Variants in CRIM1 observed in about 807,000 individuals in gnomAD.
The protein encoded by CRIM1 is cysteine-rich motor neuron 1 protein.
Under a neutral mutation model 116.4 loss-of-function variants are expected in CRIM1, and 32 were observed. The observed-to-expected ratio is 0.27, with a 90% confidence interval of 0.21 to 0.37. The LOEUF is 0.37. CRIM1 is among the 10% of genes least tolerant of loss of function. The pLI is 1.00. For missense variants in CRIM1, 1,331 were observed against 1,354.8 expected, an observed-to-expected ratio of 0.98 and a Z score of 0.28; for synonymous variants, 590 against 509.2, an observed-to-expected ratio of 1.16 and a Z score of -2.13.
At chr2:36,444,644 C>T (rs1319297474) in intron 4 of CRIM1, among the ~76,000 whole-genome samples, 1 of 152,136 alleles carries the variant, frequency 6.6e-6, no homozygotes, top group African/African-American at 2.4e-5. Context: ...TTCAACATCC[C>T]ACTGTAAATT....
At chr2:36,479,799 C>G in intron 7 of CRIM1, 105 bp downstream of exon 7, 1 of 1,134,356 alleles carries the variant, frequency 8.8e-7, no homozygotes. Context: ...ATAATGTCTG[C>G]TTCACGCTGT....
At chr2:36,388,645 A>G (rs1671348584) in intron 1 of CRIM1, among the ~76,000 whole-genome samples, 1 of 152,128 alleles carries the variant, frequency 6.6e-6, no homozygotes, top group African/African-American at 2.4e-5. Context: ...TCTCCATTAC[A>G]CCATCCCCCT....
intron 2 of CRIM1, among the ~76,000 whole-genome samples, chr2:36,413,229 C>T (rs1016693985): frequency 2.0e-5 from 3 of 152,106 alleles, no homozygotes; most frequent in South Asian, 2.1e-4. Flanking sequence ...ATGTATGTCA[C>T]CTGCATGCAT....
At position 36,526,653 on chromosome 2, in the gene CRIM1, G is replaced by A. The variant is rs555994692; in HGVS notation, c.2428+4340G>A. ...CCACATCAACCTTGCTCTAATGTTC[G>A]TGTTGGTGATGCTTCTGCCCATACT... On this transcript the variant is annotated intron_variant, in intron 13 of 16. Transcript: ENST00000280527. Among the ~76,000 whole-genome samples the A allele has an allele frequency of 2.1e-4, 32 of 152,258 alleles. 1 individual carries two copies. Among genetic ancestry groups the A allele is most frequent in the South Asian group, 1.7e-3 (8 of 4,814 alleles).
At position 36,546,988 on chromosome 2, in the gene CRIM1, G is replaced by A. The variant is rs776273255; in HGVS notation, c.2751G>A (p.Met917Ile). ...TTATAATTTTTTTTCTCCTAGATAT[G>A]GGTCACCTCCAGGTAGATTACAGAG... ...ENDIVHLPRDMGHLQVDYRDN... is the reference protein window; with the variant it reads ...ENDIVHLPRDIGHLQVDYRDN... Residue 917 changes from methionine (M) to isoleucine (I), a missense_variant, in exon 16 of 17, where the codon ATG (methionine) becomes ATA (isoleucine). Coordinates refer to ENST00000280527, the MANE Select transcript of CRIM1 (RefSeq NM_016441.3). The A allele has an allele frequency of 1.3e-6, 2 of 1,575,638 alleles. No homozygotes were observed. Among genetic ancestry groups the A allele is most frequent in the Non-Finnish European group, 1.7e-6 (2 of 1,160,566 alleles).
Position 36,436,513 on chromosome 2 carries a change from A to T in CRIM1, c.506-4745A>T, listed in dbSNP as rs114404775. On this transcript the variant is annotated intron_variant, in intron 2 of 16. Coordinates refer to ENST00000280527, the MANE Select transcript of CRIM1 (RefSeq NM_016441.3). ...AATTAAAGTAAGTGCTGGAAATTTG[A>T]AGAGAAGTTACTGGCTCGTAGTAGA... Among the ~76,000 whole-genome samples the T allele has an allele frequency of 6.3e-3, 961 of 152,330 alleles. 12 individuals carry two copies. The highest frequency in any genetic ancestry group is 0.021 in the African/African-American group (857 of 41,574).
intron 7 of CRIM1, among the ~76,000 whole-genome samples, chr2:36,498,976 G>T (rs1327260031): frequency 6.6e-6 from 1 of 152,202 alleles, no homozygotes; most frequent in Non-Finnish European, 1.5e-5. Context: ...TTGTGTGAAG[G>T]TACCAAAAAC....
Position 36,513,558 on chromosome 2 carries a change from G to T in CRIM1, c.1783G>T (p.Ala595Ser). 6.2e-7 allele frequency: 1 copy of T among 1,614,028 alleles called. No individual in the cohort carries two copies. Among genetic ancestry groups the T allele is most frequent in the Non-Finnish European group, 8.5e-7 (1 of 1,179,944 alleles). Residue 595 changes from alanine to serine, a missense_variant and splice_region_variant, in exon 11 of 17, where the codon GCC (alanine) becomes TCC (serine). Coordinates refer to ENST00000280527, the MANE Select transcript of CRIM1 (RefSeq NM_016441.3). ...HGCLICKCRE[A>S]SASAGPPILS... ...CAGGCTGCCTTTTGTCTGTCCAGAG[G>T]CCTCTGCTTCAGCTGGGCCACCCAT... is the stretch of plus-strand genomic sequence containing the variant.
At chr2:36,505,732 A>C (rs1681343493) in intron 8 of CRIM1, among the ~76,000 whole-genome samples, 2 of 144,886 alleles carry the variant, frequency 1.4e-5, no homozygotes, top group South Asian at 4.8e-4. Context: ...ACATTTAAGA[A>C]AGGTTAACAA....
At chr2:36,477,928 C>T (rs1333013945) in intron 6 of CRIM1, among the ~76,000 whole-genome samples, 1 of 152,154 alleles carries the variant, frequency 6.6e-6, no homozygotes, top group African/African-American at 2.4e-5. Flanking sequence ...GTTCTTCTGA[C>T]AACACAACAC....
chr2:36,486,882 G>C (rs549342197), intron 7 of CRIM1, among the ~76,000 whole-genome samples: 7 of 152,238 alleles, frequency 4.6e-5, no homozygotes, highest in Admixed American at 4.6e-4. Context: ...TCTCTTTTGA[G>C]ACTGTGCTAA....
At chr2:36,413,948 A>G (rs1387194780) in intron 2 of CRIM1, among the ~76,000 whole-genome samples, 3 of 152,214 alleles carry the variant, frequency 2.0e-5, no homozygotes, top group Non-Finnish European at 4.4e-5. Flanking sequence ...CCGATTTTCC[A>G]TTAATTAAAA....
rs1667167786 is a variant in CRIM1, at chr2:36,544,398, C to T, written c.2646C>T (p.Thr882=). The change falls in exon 15 of 17, where the codon ACC becomes ACT. Residue 882 remains threonine, a synonymous_variant. Transcript: ENST00000280527. ...TAGAAATGTATGTCCCAGAACCAAC[C>T]AATATACCCATTGAGAAGACAAACC... is the stretch of plus-strand genomic sequence containing the variant. The part of the protein sequence containing the change: ...MCPEMYVPEP[T]NIPIEKTNHR... 1 of 1,401,476 alleles carries T rather than the reference C, an allele frequency of 7.1e-7. No individual in the cohort carries two copies. Among genetic ancestry groups the T allele is most frequent in the East Asian group, 2.7e-5 (1 of 36,762 alleles). 86.8% of individuals were successfully genotyped at this position (1,401,476 alleles called of 1,614,324 possible).
chr2:36,398,598 A>G (rs1345983687), intron 2 of CRIM1, among the ~76,000 whole-genome samples: 3 of 152,166 alleles, frequency 2.0e-5, no homozygotes, highest in African/African-American at 7.2e-5. Context: ...ACCGTATCTG[A>G]TTGAATTTCT....
intron 2 of CRIM1, among the ~76,000 whole-genome samples, chr2:36,435,387 GAA>G (rs1458879659): frequency 1.3e-5 from 2 of 151,950 alleles, no homozygotes; most frequent in Non-Finnish European, 2.9e-5. Context: ...TGAAGAACGA[GAA>G]GAGATTTCAA....
intron 12 of CRIM1, among the ~76,000 whole-genome samples, chr2:36,519,926 T>A (rs74801498): frequency 5.3e-5 from 8 of 151,694 alleles, no homozygotes; most frequent in East Asian, 1.9e-4. Flanking sequence ...AGGTAGAAAA[T>A]AGAAAAAAGG....
chr2:36,472,417 A>C (rs1305216990), intron 5 of CRIM1, among the ~76,000 whole-genome samples: 4 of 152,176 alleles, frequency 2.6e-5, no homozygotes, highest in African/African-American at 9.6e-5. Flanking sequence ...TCACCCTTAA[A>C]GATTGATTGT....
intron 5 of CRIM1, among the ~76,000 whole-genome samples, chr2:36,465,231 C>A (rs137865696): frequency 6.6e-6 from 1 of 152,156 alleles, no homozygotes; most frequent in African/African-American, 2.4e-5. Context: ...TCTTGGGTCA[C>A]GAGATTCCTT....
chr2:36,369,932 A>G (rs1350076312), intron 1 of CRIM1, among the ~76,000 whole-genome samples: 3 of 152,162 alleles, frequency 2.0e-5, no homozygotes, highest in Non-Finnish European at 4.4e-5. Context: ...CAACACAGAC[A>G]AAGAATACCG....
Sources: allele counts gnomAD v4.1 joint callset (sites outside exome capture counted in the v4.1 genomes callset), GRCh38; gene constraint gnomAD v4.1.1; transcripts MANE v1.5; gene names NCBI Gene and HGNC (gene_info 2026-07-23, HGNC 2026-07-21).